PLCH1: variants seen among roughly 807,000 people sequenced by gnomAD.
The protein encoded by PLCH1 is phospholipase C eta 1.
In PLCH1, 60 loss-of-function variants were observed where a neutral mutation model predicts 126.7. The ratio of observed to expected loss-of-function variants is 0.47; its 90% confidence interval spans 0.38 to 0.59. PLCH1 has a LOEUF of 0.59. PLCH1 is among the 20% of genes least tolerant of loss of function. The pLI is 0.00. For synonymous variants in PLCH1, 719 were observed against 734.9 expected (o/e 0.98, Z 0.35); for missense variants, 1,723 against 2,040.0 (o/e 0.84, Z 2.99).
chr3:155,533,997 A>G (rs1029663140), intron 10 of PLCH1, among the ~76,000 whole-genome samples: 1 of 152,234 alleles, frequency 6.6e-6, no homozygotes, highest in Non-Finnish European at 1.5e-5. Context: ...GAAGTATGCT[A>G]CAGGGGTGGA....
intron 12 of PLCH1, among the ~76,000 whole-genome samples, chr3:155,506,251 G>C (rs1718666988): frequency 6.6e-6 from 1 of 151,634 alleles, no homozygotes; most frequent in African/African-American, 2.4e-5. Flanking sequence ...AAGTTACAAA[G>C]CTTGTTGGTG....
At chr3:155,600,970 G>A (rs1733647451) in intron 2 of PLCH1, among the ~76,000 whole-genome samples, 1 of 152,108 alleles carries the variant, frequency 6.6e-6, no homozygotes. Context: ...GCATAATAAT[G>A]TGGTCTACAA....
chr3:155,652,578 G>A lies in PLCH1; in HGVS notation c.79+51568C>T, dbSNP rs149649711. On this transcript the variant is annotated intron_variant, in intron 2 of 22. Coordinates refer to ENST00000460012, the MANE Select transcript of PLCH1 (RefSeq NM_014996.4). ...TTTCAAGATCATTTATTCATCAAAC[G>A]CTTAGTACTAGGTTTCATCTACCAT... 5.0e-3 allele frequency among the ~76,000 whole-genome samples: 754 copies of A among 152,194 alleles called. 5 individuals carry two copies. The highest frequency in any genetic ancestry group is 0.017 in the African/African-American group (719 of 41,522).
intron 2 of PLCH1, among the ~76,000 whole-genome samples, chr3:155,681,874 C>T (rs1281385266): frequency 6.6e-6 from 1 of 152,056 alleles, no homozygotes; most frequent in Non-Finnish European, 1.5e-5. Context: ...TTTTTACTAC[C>T]ACTGAGGCAT....
At chr3:155,656,641 T>C (rs1038729602) in intron 2 of PLCH1, among the ~76,000 whole-genome samples, 3 of 152,196 alleles carry the variant, frequency 2.0e-5, no homozygotes, top group African/African-American at 7.2e-5. Flanking sequence ...TTAGCGGTTA[T>C]TTCCTTGTGA....
At chr3:155,468,144 C>T (rs935992576) in intron 21 of PLCH1, among the ~76,000 whole-genome samples, 4 of 152,060 alleles carry the variant, frequency 2.6e-5, no homozygotes, top group African/African-American at 9.7e-5. Flanking sequence ...ATTAGTTTTC[C>T]TTTTGCTTGT....
chr3:155,509,076 G>A lies in PLCH1; in HGVS notation c.1633-4450C>T, dbSNP rs1560088060. Among the ~76,000 whole-genome samples, 6 of 139,794 alleles carry A rather than the reference G, an allele frequency of 4.3e-5. No homozygotes were observed. The South Asian group carries it at 1.4e-3, about 32-fold the overall frequency. The allele number at this position is 139,794 out of a possible 152,430, so 91.7% of individuals were successfully genotyped here. A position where few individuals can be genotyped will look rare whatever the true frequency, so the allele number is the denominator to read the frequency against. On this transcript the variant is annotated intron_variant, in intron 12 of 22. Transcript: ENST00000460012. Reference sequence around the variant, plus strand: ...AGAGATTCAACTTCTTCCTGTTTTAGTCTTGGGAGAGTGTATGTGTCGAGG... The same window carrying A: ...AGAGATTCAACTTCTTCCTGTTTTAATCTTGGGAGAGTGTATGTGTCGAGG...
chr3:155,515,073 A>G (rs1170281924), intron 11 of PLCH1, among the ~76,000 whole-genome samples, 189 bp from the exon 12 acceptor site: 1 of 152,202 alleles, frequency 6.6e-6, no homozygotes, highest in Non-Finnish European at 1.5e-5. Context: ...AAGGATTACT[A>G]TTTATTAAGA....
intron 10 of PLCH1, among the ~76,000 whole-genome samples, chr3:155,531,008 A>C (rs759452572): frequency 6.6e-6 from 1 of 152,222 alleles, no homozygotes; most frequent in Non-Finnish European, 1.5e-5. Flanking sequence ...TAATATTTTG[A>C]AAGGAATCTT....
chr3:155,686,865 TA>T (rs1231055155), intron 2 of PLCH1, among the ~76,000 whole-genome samples: 1 of 152,096 alleles, frequency 6.6e-6, no homozygotes, highest in Non-Finnish European at 1.5e-5. Context: ...GCTTTCTATT[TA>T]AAAAAATGAA....
chr3:155,508,569 G>A (rs994421460), intron 12 of PLCH1, among the ~76,000 whole-genome samples: 96 of 140,734 alleles, frequency 6.8e-4, no homozygotes, highest in African/African-American at 2.4e-3. Flanking sequence ...CATGAAGCTT[G>A]TTGAATTTTG....
At chr3:155,505,111 T>A (rs1718460962) in intron 12 of PLCH1, among the ~76,000 whole-genome samples, 1 of 152,238 alleles carries the variant, frequency 6.6e-6, no homozygotes. Flanking sequence ...TGTGGGATTT[T>A]AAAACATTAT....
chr3:155,679,992 T>A (rs1744381944), intron 2 of PLCH1, among the ~76,000 whole-genome samples: 1 of 152,158 alleles, frequency 6.6e-6, no homozygotes. Flanking sequence ...AAATTCCTCA[T>A]GTTTTTTTCC....
intron 10 of PLCH1, among the ~76,000 whole-genome samples, chr3:155,538,363 C>T (rs931213376): frequency 6.6e-6 from 1 of 151,850 alleles, no homozygotes; most frequent in Non-Finnish European, 1.5e-5. Flanking sequence ...CAAGCCAACC[C>T]CAAATTCAGC....
intron 2 of PLCH1, among the ~76,000 whole-genome samples, chr3:155,656,168 C>A (rs545497572): frequency 6.8e-6 from 1 of 147,858 alleles, no homozygotes; most frequent in Admixed American, 6.8e-5. Context: ...AGAAAATTAC[C>A]CCCCCCCAAA....
intron 4 of PLCH1, among the ~76,000 whole-genome samples, chr3:155,587,462 G>A (rs1184399707): frequency 2.0e-5 from 3 of 152,098 alleles, no homozygotes; most frequent in African/African-American, 7.2e-5. Flanking sequence ...TCTCAACCCA[G>A]GTCTTTTGTA....
intron 1 of PLCH1, among the ~76,000 whole-genome samples, chr3:155,730,307 C>T (rs1468836865): frequency 2.0e-5 from 3 of 151,230 alleles, no homozygotes; most frequent in South Asian, 2.1e-4. Context: ...TTTTTGAGAC[C>T]GTCTTGCTCT....
intron 2 of PLCH1, among the ~76,000 whole-genome samples, chr3:155,674,274 C>T (rs1406862041): frequency 6.6e-6 from 1 of 152,136 alleles, no homozygotes; most frequent in African/African-American, 2.4e-5. Flanking sequence ...TAATTATATA[C>T]ACAAATACAA....
intron 1 of PLCH1, among the ~76,000 whole-genome samples, chr3:155,720,686 C>G (rs1358908063): frequency 6.6e-6 from 1 of 152,100 alleles, no homozygotes; most frequent in Non-Finnish European, 1.5e-5. Context: ...GTTTACCCTG[C>G]TGATTATTTC....
Sources: gnomAD v4.1 joint callset for allele counts (sites outside exome capture counted in the v4.1 genomes callset) on GRCh38, gnomAD v4.1.1 for gene constraint, MANE v1.5 for transcripts, NCBI Gene and HGNC (gene_info 2026-07-23, HGNC 2026-07-21) for gene names.